The following RS1 variants were observed in gnomAD, a reference collection of about 807,000 sequenced individuals.
The protein encoded by RS1 is retinoschisin 1.
RS1 carries 2 observed loss-of-function variants against 20.8 expected under a neutral mutation model. The ratio of observed to expected loss-of-function variants is 0.10; its 90% confidence interval spans 0.04 to 0.30. RS1 has a LOEUF of 0.30. RS1 is among the 10% of genes least tolerant of loss of function. The pLI is 1.00. For missense variants in RS1, 151 were observed against 189.8 expected, an observed-to-expected ratio of 0.80 and a Z score of 1.20; for synonymous variants, 70 against 75.8, an observed-to-expected ratio of 0.92 and a Z score of 0.40.
intron 3 of RS1, among the ~76,000 whole-genome samples, chrX:18,648,074 T>A (rs1271069861): frequency 9.0e-6 from 1 of 111,002 alleles, no homozygotes; most frequent in Non-Finnish European, 1.9e-5. Context: ...CGGTGACTCA[T>A]GCCTGTAATC....
chrX:18,671,970 T>G, intron 1 of RS1, 47 bp downstream of exon 1: 1 of 1,029,174 alleles, frequency 9.7e-7, no homozygotes, highest in Non-Finnish European at 1.4e-6. Context: ...ATTAATTAAA[T>G]TATGTATTAA....
chrX:18,667,696 T>C lies in RS1; in HGVS notation c.52+4321A>G, dbSNP rs191771671. The stretch of plus-strand genomic sequence containing the variant: ...CTGAAGAGAGTCTGGTCTGTTGAGC[T>C]GTCACTGAGCAAACCTAGAGTCCAA... On this transcript the variant is annotated intron_variant, in intron 1 of 5. Transcript: ENST00000379984. 5.4e-4 allele frequency among the ~76,000 whole-genome samples: 60 copies of C among 111,648 alleles called. 1 individual carries two copies. The highest frequency in any genetic ancestry group is 2.0e-3 in the African/African-American group (60 of 30,736).
In RS1 at chrX:18,647,221, T is replaced by C. The variant is rs757345261; in HGVS notation, c.296A>G (p.Asn99Ser). 3 of 1,211,296 alleles carry C rather than the reference T, an allele frequency of 2.5e-6. No homozygotes were observed. The highest frequency in any genetic ancestry group is 3.4e-6 in the Non-Finnish European group (3 of 895,461). ...GCCTTGACTGTTGAGCCGGGCCTTGTTTGCAGTCCACGAAGAATACCAGCC... is the reference window on the plus strand; with the variant it reads ...GCCTTGACTGTTGAGCCGGGCCTTGCTTGCAGTCCACGAAGAATACCAGCC... ...YVGWYSSWTA[N>S]KARLNSQGFG... The change falls in exon 4 of 6, where the codon AAC (asparagine) becomes AGC (serine). Residue 99 changes from asparagine to serine, a missense_variant. Coordinates refer to ENST00000379984, the MANE Select transcript of RS1 (RefSeq NM_000330.4).
rs762407219 is a variant in RS1 at position 18,644,430 on chromosome X, C to T, written c.522G>A (p.Arg174=). ...IYYKDQTGNN[R]VFYGNSDRTS... is the part of the protein sequence containing the mutation. Reference sequence around the variant, plus strand: ...TTGGTTTGGGATAAGCCCAACTTACCCGGTTGTTTCCAGTCTGGTCCTTGT... The same window carrying T: ...TTGGTTTGGGATAAGCCCAACTTACTCGGTTGTTTCCAGTCTGGTCCTTGT... Residue 174 remains arginine (R), a splice_region_variant and synonymous_variant, in exon 5 of 6, where the codon CGG becomes CGA. Coordinates refer to ENST00000379984, the MANE Select transcript of RS1 (RefSeq NM_000330.4). 32 of 1,208,947 alleles carry T rather than the reference C, an allele frequency of 2.6e-5. No individual in the cohort carries two copies. The South Asian group carries it at 5.5e-4, about 21-fold the overall frequency.
At chrX:18,659,134 A>C (rs1928270511) in intron 1 of RS1, among the ~76,000 whole-genome samples, 1 of 111,798 alleles carries the variant, frequency 8.9e-6, no homozygotes, top group African/African-American at 3.2e-5. Flanking sequence ...AAAGCTTCAC[A>C]GTCCAATGTA....
intron 1 of RS1, among the ~76,000 whole-genome samples, chrX:18,671,069 G>A (rs1172371081): frequency 8.9e-6 from 1 of 112,117 alleles, no homozygotes; most frequent in African/African-American, 3.2e-5. Context: ...TGAGGCAGGA[G>A]GATGGCTTGA....
chrX:18,642,255 G>C, intron 5 of RS1, 99 bp from the exon 6 acceptor site: 1 of 954,699 alleles, frequency 1.0e-6, no homozygotes, highest in Non-Finnish European at 1.5e-6. Context: ...CTATAGAAAT[G>C]ATTAGGAAGT....
Position 18,671,946 on chromosome X carries a change from T to C in RS1, c.52+71A>G. ...ATTTATATTATTCAGGCTATATTCC[T>C]ATTTATCAACGATATTAATTAAATT... On this transcript the variant is annotated intron_variant, in intron 1 of 5. Transcript: ENST00000379984. 5.6e-6 allele frequency: 5 copies of C among 889,503 alleles called. No individual in the cohort carries two copies. The Admixed American group carries it at 6.6e-5, about 12-fold the overall frequency. The allele number at this position is 889,503 out of a possible 1,213,427, so 73.3% of individuals were successfully genotyped here. A position where few individuals can be genotyped will look rare whatever the true frequency, so the allele number is the denominator to read the frequency against.
chrX:18,669,525 G>A (rs1010072827), intron 1 of RS1, among the ~76,000 whole-genome samples: 3 of 105,122 alleles, frequency 2.9e-5, no homozygotes, highest in Admixed American at 2.1e-4. Flanking sequence ...ATGCCTTACT[G>A]TGAGGCTGTG....
chrX:18,665,535 C>G (rs965843861), intron 1 of RS1, among the ~76,000 whole-genome samples: 2 of 110,290 alleles, frequency 1.8e-5, no homozygotes, highest in African/African-American at 6.6e-5. Flanking sequence ...TGCGTCCCCC[C>G]ACCCCTACTT....
chrX:18,656,064 C>T lies in RS1; in HGVS notation c.184+589G>A, dbSNP rs754219074. 2.8e-3 allele frequency among the ~76,000 whole-genome samples: 259 copies of T among 92,610 alleles called. 2 individuals carry two copies. The highest frequency in any genetic ancestry group is 0.011 in the African/African-American group (250 of 23,777). 80.4% of individuals were successfully genotyped at this position (92,610 alleles called of 115,157 possible). On this transcript the variant is annotated intron_variant, in intron 3 of 5. Transcript: ENST00000379984. Reference sequence around the variant, plus strand: ...CCAGAGTGCAGTGGTACGATCACTGCTTGCTGCAACTCCGCCTCCCGGGTT... The same window carrying T: ...CCAGAGTGCAGTGGTACGATCACTGTTTGCTGCAACTCCGCCTCCCGGGTT...
Position 18,672,011 on chromosome X carries a change from A to G in RS1, c.52+6T>C, listed in dbSNP as rs766045580. The stretch of plus-strand genomic sequence containing the variant: ...CAATGAATGTCAATGGTTGAATAGC[A>G]CATACCTTCATAGCCAAAGAGAAGT... On this transcript the variant is annotated splice_donor_region_variant and intron_variant, in intron 1 of 5. Coordinates refer to ENST00000379984, the MANE Select transcript of RS1 (RefSeq NM_000330.4). The G allele has an allele frequency of 1.7e-6, 2 of 1,203,484 alleles. No homozygotes were observed.
intron 3 of RS1, chrX:18,653,604 A>T: frequency 8.8e-6 from 10 of 1,139,262 alleles, no homozygotes; most frequent in Non-Finnish European, 9.5e-6. Flanking sequence ...GGAAGAACCA[A>T]TTAACACCAA....
intron 1 of RS1, among the ~76,000 whole-genome samples, chrX:18,671,324 G>A (rs2147209485): frequency 8.9e-6 from 1 of 112,492 alleles, no homozygotes; most frequent in East Asian, 2.8e-4. Context: ...AGAATTGAGA[G>A]AGGCATGAAA....
At chrX:18,656,571 G>A in intron 3 of RS1, 82 bp downstream of exon 3, 1 of 732,032 alleles carries the variant, frequency 1.4e-6, no homozygotes, top group African/African-American at 2.1e-5. Context: ...CGTTCAGGGG[G>A]TTAATTCAGC....
intron 1 of RS1, among the ~76,000 whole-genome samples, chrX:18,662,410 G>A (rs1032089913): frequency 1.8e-5 from 2 of 111,047 alleles, no homozygotes; most frequent in Non-Finnish European, 3.8e-5. Context: ...CTGTTAACGC[G>A]TCATTTACAT....
intron 3 of RS1, among the ~76,000 whole-genome samples, chrX:18,656,350 A>G (rs1397355171): frequency 9.0e-6 from 1 of 111,588 alleles, no homozygotes; most frequent in Non-Finnish European, 1.9e-5. Flanking sequence ...GTTAGATCCC[A>G]TCGTACTATC....
At chrX:18,650,650 G>A in intron 3 of RS1, 5 of 1,148,011 alleles carry the variant, frequency 4.4e-6, no homozygotes, top group African/African-American at 1.8e-5. Context: ...GGAATTGCCC[G>A]AGGAGCTGTA....
intron 4 of RS1, among the ~76,000 whole-genome samples, chrX:18,646,831 G>A (rs1927792426): frequency 1.8e-5 from 2 of 111,968 alleles, no homozygotes; most frequent in African/African-American, 6.5e-5. Context: ...AGCCTTCCCT[G>A]GCTGCATGGA....
Sources: allele counts gnomAD v4.1 joint callset (sites outside exome capture counted in the v4.1 genomes callset), GRCh38; gene constraint gnomAD v4.1.1; transcripts MANE v1.5; gene names NCBI Gene and HGNC (gene_info 2026-07-23, HGNC 2026-07-21).